Variants in COL17A1 observed in about 807,000 individuals in gnomAD.
COL17A1 encodes the protein collagen type XVII alpha 1 chain.
Under a neutral mutation model 218.4 loss-of-function variants are expected in COL17A1, and 181 were observed. The ratio of observed to expected loss-of-function variants is 0.83; its 90% confidence interval spans 0.73 to 0.94. The LOEUF is 0.94. Among genes scored for constraint, COL17A1 ranks in the 40% least tolerant of loss-of-function variants. The pLI, the probability that COL17A1 is intolerant of heterozygous loss-of-function variation, is 0.00. For missense variants in COL17A1, 1,924 were observed against 1,945.9 expected (o/e 0.99, Z 0.21); for synonymous variants, 721 against 731.0 (o/e 0.99, Z 0.22).
At chr10:104,057,271 C>T (rs536222285) in intron 16 of COL17A1, 99 bp from the exon 17 acceptor site, 57 of 1,588,754 alleles carry the variant, frequency 3.6e-5, no homozygotes, top group African/African-American at 3.2e-4. Context: ...TGAGTGACTA[C>T]GACTGGGGGC....
intron 7 of COL17A1, among the ~76,000 whole-genome samples, chr10:104,072,664 C>G (rs1351902515): frequency 1.3e-5 from 2 of 152,140 alleles, no homozygotes; most frequent in African/African-American, 4.8e-5. Context: ...AAGAATTCTG[C>G]CTTCAGCTCA....
chr10:104,036,991 G>C lies in COL17A1; in HGVS notation c.3277+54C>G, dbSNP rs2086306060. 9 of 1,503,352 alleles carry C rather than the reference G, an allele frequency of 6.0e-6. No homozygotes were observed. The East Asian group carries it at 2.1e-4, about 35-fold the overall frequency. 93.1% of individuals were successfully genotyped at this position (1,503,352 alleles called of 1,614,324 possible). A position where few individuals can be genotyped will look rare whatever the true frequency, so the allele number is the denominator to read the frequency against. On this transcript the variant is annotated intron_variant, in intron 47 of 55. Coordinates refer to ENST00000648076, the MANE Select transcript of COL17A1 (RefSeq NM_000494.4). Reference sequence around the variant, plus strand: ...AGGACAAGGTTTGCATGACGAGTGAGGCCAGGAGAAAGCAAAGATAGTCCC... The same window carrying C: ...AGGACAAGGTTTGCATGACGAGTGACGCCAGGAGAAAGCAAAGATAGTCCC...
intron 52 of COL17A1, among the ~76,000 whole-genome samples, chr10:104,033,667 A>G (rs1403755908): frequency 6.6e-6 from 1 of 152,222 alleles, no homozygotes; most frequent in Non-Finnish European, 1.5e-5. Context: ...AAAATCCAGC[A>G]TGGTCATATG....
chr10:104,037,880 T>G, intron 45 of COL17A1, 107 bp from the exon 46 acceptor site: 3 of 1,415,808 alleles, frequency 2.1e-6, no homozygotes, highest in Non-Finnish European at 2.9e-6. Context: ...GCCCCACACA[T>G]GGGCCCAAGG....
At position 104,063,826 on chromosome 10, in the gene COL17A1, G is replaced by A. The variant is rs745640089; in HGVS notation, c.767-8C>T. On this transcript the variant is annotated splice_region_variant and splice_polypyrimidine_tract_variant and intron_variant, in intron 10 of 55. Coordinates refer to ENST00000648076, the MANE Select transcript of COL17A1 (RefSeq NM_000494.4). Reference sequence around the variant, plus strand: ...TGTTTGGAACTCCGAAGACTGCAGGGGCAAGGAGGAAGGCTGGTGAGAGGG... The same window carrying A: ...TGTTTGGAACTCCGAAGACTGCAGGAGCAAGGAGGAAGGCTGGTGAGAGGG... 106 of 1,614,004 alleles carry A rather than the reference G, an allele frequency of 6.6e-5. No homozygotes were observed. The highest frequency in any genetic ancestry group is 4.5e-5 in the Non-Finnish European group (53 of 1,180,002).
At chr10:104,038,024 C>T (rs1426009693) in intron 45 of COL17A1, among the ~76,000 whole-genome samples, 1 of 152,224 alleles carries the variant, frequency 6.6e-6, no homozygotes, top group East Asian at 1.9e-4. Context: ...CAGCCAGCCA[C>T]CCATTTGACA....
At chr10:104,040,691 C>T (rs907856008) in intron 39 of COL17A1, among the ~76,000 whole-genome samples, 4 of 152,026 alleles carry the variant, frequency 2.6e-5, no homozygotes, top group Non-Finnish European at 4.4e-5. Flanking sequence ...CAGGTTCTGG[C>T]CTAATGTTTG....
At chr10:104,081,851 G>A (rs2086767367) in intron 1 of COL17A1, among the ~76,000 whole-genome samples, 1 of 152,152 alleles carries the variant, frequency 6.6e-6, no homozygotes, top group Admixed American at 6.5e-5. Context: ...AACATCAGAA[G>A]GAAAAATAAT....
chr10:104,075,567 T>C (rs1010679074), intron 5 of COL17A1, among the ~76,000 whole-genome samples: 1 of 152,238 alleles, frequency 6.6e-6, no homozygotes, highest in Non-Finnish European at 1.5e-5. Context: ...TCACTGTGTT[T>C]AGTCTCTTTC....
chr10:104,079,654 G>A (rs750800054), intron 2 of COL17A1, among the ~76,000 whole-genome samples: 4 of 152,198 alleles, frequency 2.6e-5, no homozygotes, highest in Non-Finnish European at 5.9e-5. Context: ...TTGGCTGGGC[G>A]CAGTGGCTCA....
rs146830986 is a variant in COL17A1 at position 104,053,967 on chromosome 10, A to G, written c.1787T>C (p.Leu596Ser). The change falls in exon 22 of 56, where the codon TTG (leucine) becomes TCG (serine). Residue 596 changes from leucine (L) to serine (S), a missense_variant. By Grantham distance (145) the Leu-to-Ser change is moderately radical (BLOSUM62 -2). Coordinates refer to ENST00000648076, the MANE Select transcript of COL17A1 (RefSeq NM_000494.4). ...TGGTCCTTGTGGACCTGGGTGGCCCAAGGGCCCAGGGATACCTGTGAACAC... is the reference window on the plus strand; with the variant it reads ...TGGTCCTTGTGGACCTGGGTGGCCCGAGGGCCCAGGGATACCTGTGAACAC... ...FPGTPGIPGP[L>S]GHPGPQGPKG... is the part of the protein sequence containing the mutation. 56 of 1,611,820 alleles carry G rather than the reference A, an allele frequency of 3.5e-5. No homozygotes were observed. Among genetic ancestry groups the G allele is most frequent in the Non-Finnish European group, 4.1e-5 (48 of 1,177,944 alleles).
Position 104,034,323 on chromosome 10 carries a change from G to A in COL17A1, c.3778C>T (p.Arg1260Cys), listed in dbSNP as rs770168630. Residue 1260 changes from arginine (R) to cysteine (C), a missense_variant, in exon 52 of 56, where the codon CGC (arginine) becomes TGC (cysteine). Arg to Cys is a radical substitution (Grantham distance 180). Transcript: ENST00000648076. Reference sequence around the variant, plus strand: ...CCTGGGGGGCCAACAATGAAGCTGCGCACATCAGGACCTGCAGGGTGAGAA... The same window carrying A: ...CCTGGGGGGCCAACAATGAAGCTGCACACATCAGGACCTGCAGGGTGAGAA... ...LISYLTSPDV[R>C]SFIVGPPGPP... 38 of 1,559,882 alleles carry A rather than the reference G, an allele frequency of 2.4e-5. No homozygotes were observed. The highest frequency in any genetic ancestry group is 1.7e-4 in the East Asian group (7 of 42,260).
In COL17A1 at chr10:104,035,268, A is replaced by C; in HGVS notation, c.3614T>G (p.Leu1205Ter). 1 of 1,612,634 alleles carries C rather than the reference A, an allele frequency of 6.2e-7. No homozygotes were observed. The highest frequency in any genetic ancestry group is 1.3e-5 in the African/African-American group (1 of 75,042). The change falls in exon 50 of 56, where the codon TTA becomes TGA. Residue 1205 changes from leucine to a stop codon, truncating the protein, a stop_gained. Transcript: ENST00000648076. LOFTEE classifies it high-confidence loss of function. ...CCCACTCCACAGTGCCCTACTATGT[A>C]AGTAAGACGAGAGGTCCTCCACGCT... is the stretch of plus-strand genomic sequence containing the variant. ...SISVEDLSSY[L>*]HTAGLSFIPG...
At position 104,063,788 on chromosome 10, in the gene COL17A1, C is replaced by A. The variant is rs767724325; in HGVS notation, c.797G>T (p.Cys266Phe). The change falls in exon 11 of 56, where the codon TGC (cysteine) becomes TTC (phenylalanine). Residue 266 changes from cysteine (C) to phenylalanine (F), a missense_variant. Physicochemically the swap from Cys to Phe is radical, Grantham distance 205. Coordinates refer to ENST00000648076, the MANE Select transcript of COL17A1 (RefSeq NM_000494.4). Reference protein sequence around the residue: ...VFGVPNNMASCSPTLHPGLST... With the variant: ...VFGVPNNMASFSPTLHPGLST... ...GAGTCCAGGGTGCAAAGTGGGTGAG[C>A]AGGACGCCATGTTGTTTGGAACTCC... The A allele has an allele frequency of 6.2e-7, 1 of 1,614,066 alleles. No homozygotes were observed. The highest frequency in any genetic ancestry group is 1.3e-5 in the African/African-American group (1 of 74,922).
At chr10:104,052,255 C>T in intron 23 of COL17A1, 38 bp from the exon 24 acceptor site, 2 of 1,613,212 alleles carry the variant, frequency 1.2e-6, no homozygotes, top group African/African-American at 1.3e-5. Flanking sequence ...TTGGGAGAGG[C>T]CCCAGTGTGG....
chr10:104,043,403 G>T, intron 35 of COL17A1, 98 bp downstream of exon 35: 1 of 1,144,604 alleles, frequency 8.7e-7, no homozygotes. Context: ...ACCAGGTTCA[G>T]TTCCTGCCCT....
intron 14 of COL17A1, among the ~76,000 whole-genome samples, 166 bp from the exon 15 acceptor site, chr10:104,059,884 G>A (rs1488156477): frequency 2.0e-5 from 3 of 152,076 alleles, no homozygotes; most frequent in African/African-American, 7.2e-5. Flanking sequence ...CTGTGTTTGC[G>A]GTTAGACTTG....
In COL17A1 at chr10:104,038,223, GACAC is replaced by G. The variant is rs1170048144; in HGVS notation, c.3070+179_3070+182del. Among the ~76,000 whole-genome samples, 23 of 126,670 alleles carry G rather than the reference GACAC, an allele frequency of 1.8e-4. No individual in the cohort carries two copies. In the East Asian group the frequency reaches 5.3e-3, roughly 29 times the overall value. The allele number at this position is 126,670 out of a possible 152,430, so 83.1% of individuals were successfully genotyped here. ...GGGAAGACCTGGGCCTGGACACATA[GACAC>G]ACATACACACACACACACACACACA... On this transcript the variant is annotated intron_variant, in intron 45 of 55. Coordinates refer to ENST00000648076, the MANE Select transcript of COL17A1 (RefSeq NM_000494.4).
At chr10:104,063,589 G>A in intron 11 of COL17A1, 158 bp downstream of exon 11, 3 of 1,175,744 alleles carry the variant, frequency 2.6e-6, no homozygotes, top group Non-Finnish European at 3.7e-6. Context: ...TGGGGTCTGA[G>A]TTCTCCCTGT....
Sources: allele counts gnomAD v4.1 joint callset (sites outside exome capture counted in the v4.1 genomes callset), GRCh38; gene constraint gnomAD v4.1.1; transcripts MANE v1.5; gene names NCBI Gene and HGNC (gene_info 2026-07-23, HGNC 2026-07-21).